Variants in KCNIP4 observed in about 807,000 individuals in gnomAD.
The protein encoded by KCNIP4 is Kv channel-interacting protein 4.
In KCNIP4, 12 loss-of-function variants were observed where a neutral mutation model predicts 34.0. The observed-to-expected ratio is 0.35, with a 90% CI of 0.23 to 0.57. The LOEUF is 0.57. KCNIP4 is among the 20% of genes least tolerant of loss of function. The pLI, the probability that KCNIP4 is intolerant of heterozygous loss-of-function variation, is 0.83. For missense variants in KCNIP4, 238 were observed against 311.7 expected, an observed-to-expected ratio of 0.76 and a Z score of 1.78; for synonymous variants, 124 against 102.2, an observed-to-expected ratio of 1.21 and a Z score of -1.29.
chr4:21,634,713 T>C (rs187234779), intron 1 of KCNIP4, among the ~76,000 whole-genome samples: 2 of 152,328 alleles, frequency 1.3e-5, no homozygotes, highest in African/African-American at 4.8e-5. Context: ...GCCATCTATT[T>C]AAATCATCTC....
chr4:20,989,982 A>G (rs1560626977), intron 1 of KCNIP4, among the ~76,000 whole-genome samples: 1 of 152,286 alleles, frequency 6.6e-6, no homozygotes, highest in East Asian at 1.9e-4. Flanking sequence ...ACAAAACAAA[A>G]GACAGCATTC....
At chr4:21,866,221 C>T (rs1725406860) in intron 1 of KCNIP4, among the ~76,000 whole-genome samples, 1 of 152,122 alleles carries the variant, frequency 6.6e-6, no homozygotes, top group Non-Finnish European at 1.5e-5. Flanking sequence ...AACACTGAGA[C>T]TTTGCACATC....
At chr4:21,178,189 G>A (rs145245916) in intron 1 of KCNIP4, among the ~76,000 whole-genome samples, 110 of 152,244 alleles carry the variant, frequency 7.2e-4, no homozygotes, top group Non-Finnish European at 1.4e-3. Flanking sequence ...AATGAAAGTG[G>A]TTAGTCTGGT....
chr4:21,546,439 A>G (rs1348433530), intron 1 of KCNIP4, among the ~76,000 whole-genome samples: 1 of 152,152 alleles, frequency 6.6e-6, no homozygotes, highest in Non-Finnish European at 1.5e-5. Context: ...GCAAGAGACC[A>G]AGACAGATAG....
chr4:21,197,691 G>A (rs1403534389), intron 1 of KCNIP4, among the ~76,000 whole-genome samples: 2 of 152,038 alleles, frequency 1.3e-5, no homozygotes. Flanking sequence ...CAAATTCCTG[G>A]TACATATTAA....
At chr4:21,445,421 C>T (rs949434197) in intron 1 of KCNIP4, among the ~76,000 whole-genome samples, 2 of 152,148 alleles carry the variant, frequency 1.3e-5, no homozygotes, top group Non-Finnish European at 2.9e-5. Flanking sequence ...GGTACCAAAA[C>T]AGAGATATAG....
chr4:21,253,374 A>G (rs932093948), intron 1 of KCNIP4, among the ~76,000 whole-genome samples: 21 of 152,216 alleles, frequency 1.4e-4, no homozygotes, highest in African/African-American at 5.1e-4. Flanking sequence ...AAAGAAAAGT[A>G]GAATAAATTT....
At chr4:21,573,761 C>T (rs886588246) in intron 1 of KCNIP4, among the ~76,000 whole-genome samples, 10 of 152,080 alleles carry the variant, frequency 6.6e-5, no homozygotes, top group Middle Eastern at 3.2e-3. Flanking sequence ...TAGTACACTA[C>T]GCTCCATTTT....
intron 1 of KCNIP4, among the ~76,000 whole-genome samples, chr4:21,208,162 T>G (rs1756982061): frequency 6.6e-6 from 1 of 152,158 alleles, no homozygotes; most frequent in Non-Finnish European, 1.5e-5. Flanking sequence ...TTCTAGTCAT[T>G]GAAATAGATC....
intron 1 of KCNIP4, among the ~76,000 whole-genome samples, chr4:21,015,129 GAGA>G (rs1217740036): frequency 6.6e-6 from 1 of 151,918 alleles, no homozygotes; most frequent in Non-Finnish European, 1.5e-5. Context: ...ACTCTGCGGA[GAGA>G]AGAATAGAGA....
intron 1 of KCNIP4, among the ~76,000 whole-genome samples, chr4:21,569,234 TAAAAAAAAAAAA>T (rs71191521): frequency 2.0e-4 from 5 of 25,186 alleles, no homozygotes; most frequent in South Asian, 3.2e-3. Context: ...ACTGATATTC[TAAAAAAAAAAAA>T]AAAAAAAAAA....
rs189456239 is a variant in KCNIP4, at chr4:21,093,239, C to T, written c.62-210530G>A. On this transcript the variant is annotated intron_variant, in intron 1 of 8. Transcript: ENST00000382152. ...TAAACATCATTAGTAGGCGATATTACAGCATCTTCAAACCCAGACATAACT... is the reference window on the plus strand; with the variant it reads ...TAAACATCATTAGTAGGCGATATTATAGCATCTTCAAACCCAGACATAACT... Among the ~76,000 whole-genome samples the T allele has an allele frequency of 1.8e-3, 275 of 152,270 alleles. 4 individuals are homozygous for T. Among genetic ancestry groups the T allele is most frequent in the African/African-American group, 6.3e-3 (260 of 41,554 alleles).
At chr4:21,850,749 C>T (rs961376121) in intron 1 of KCNIP4, 4 of 152,016 alleles carry the variant, frequency 2.6e-5, no homozygotes, top group Admixed American at 2.6e-4. Context: ...AGTTTGATCC[C>T]GATAAGATCA....
At chr4:21,242,422 T>C (rs1759899991) in intron 1 of KCNIP4, among the ~76,000 whole-genome samples, 1 of 152,134 alleles carries the variant, frequency 6.6e-6, no homozygotes, top group African/African-American at 2.4e-5. Flanking sequence ...ATAATAATAG[T>C]CATGGTGGTT....
At chr4:21,389,623 C>A (rs1207134783) in intron 1 of KCNIP4, among the ~76,000 whole-genome samples, 7 of 151,790 alleles carry the variant, frequency 4.6e-5, no homozygotes, top group Admixed American at 6.6e-5. Context: ...CCTACAAAGG[C>A]CATGAACTCA....
At chr4:20,850,394 A>C in intron 3 of KCNIP4, 149 bp downstream of exon 3, 1 of 818,286 alleles carries the variant, frequency 1.2e-6, no homozygotes, top group Non-Finnish European at 1.9e-6. Context: ...GTCCACAGAT[A>C]CTGATTATAT....
intron 1 of KCNIP4, among the ~76,000 whole-genome samples, chr4:21,917,809 T>G (rs762479500): frequency 3.3e-5 from 5 of 152,196 alleles, no homozygotes; most frequent in Non-Finnish European, 2.9e-5. Context: ...AGGTTGCAAT[T>G]ACAAGACGAA....
intron 1 of KCNIP4, among the ~76,000 whole-genome samples, chr4:21,906,996 A>G (rs1202307436): frequency 6.6e-6 from 1 of 152,206 alleles, no homozygotes; most frequent in Admixed American, 6.5e-5. Flanking sequence ...ATGTTTTAGT[A>G]TATCACAATT....
chr4:21,630,278 A>C (rs2109202305), intron 1 of KCNIP4, among the ~76,000 whole-genome samples: 1 of 151,988 alleles, frequency 6.6e-6, no homozygotes, highest in Middle Eastern at 3.4e-3. Flanking sequence ...CATCCTGCCC[A>C]ACATGGTAAA....
Sources: gnomAD v4.1 joint callset for allele counts (sites outside exome capture counted in the v4.1 genomes callset) on GRCh38, gnomAD v4.1.1 for gene constraint, MANE v1.5 for transcripts, NCBI Gene and HGNC (gene_info 2026-07-23, HGNC 2026-07-21) for gene names.